NDE1: variants seen among roughly 807,000 people sequenced by gnomAD.
NDE1 encodes the protein nuclear distribution protein nudE homolog 1.
In NDE1, 28 loss-of-function variants were observed where a neutral mutation model predicts 43.4. The observed-to-expected ratio is 0.65, with a 90% CI of 0.48 to 0.89. The LOEUF is 0.89. Ranked by LOEUF, NDE1 falls within the 40% of genes least tolerant of loss-of-function variation. The pLI, the probability that NDE1 is intolerant of heterozygous loss-of-function variation, is 0.00. For missense variants in NDE1, 441 were observed against 434.1 expected (o/e 1.02, Z -0.14); for synonymous variants, 184 against 172.0 (o/e 1.07, Z -0.55).
chr16:15,708,041 C>CTTGAG (rs2039559577), intron 8 of NDE1, among the ~76,000 whole-genome samples: 1 of 151,590 alleles, frequency 6.6e-6, no homozygotes, highest in Admixed American at 6.6e-5. Context: ...TGTGTGCATC[C>CTTGAG]TTGAGTCTTG....
chr16:15,708,772 A>G, intron 8 of NDE1: 1 of 1,597,114 alleles, frequency 6.3e-7, no homozygotes, highest in Non-Finnish European at 8.5e-7. Context: ...TACTGAGACA[A>G]CACACAGCTG....
intron 4 of NDE1, among the ~76,000 whole-genome samples, chr16:15,685,623 TA>T (rs2038400218): frequency 6.6e-6 from 1 of 152,186 alleles, no homozygotes; most frequent in African/African-American, 2.4e-5. Context: ...TGAGGGTAGG[TA>T]CTTGTATGAC....
At chr16:15,662,281 T>A (rs1156613573) in intron 1 of NDE1, among the ~76,000 whole-genome samples, 1 of 132,788 alleles carries the variant, frequency 7.5e-6, no homozygotes, top group Non-Finnish European at 1.6e-5. Flanking sequence ...TTCTCTTTTC[T>A]TTTTTTTTTT....
intron 8 of NDE1, chr16:15,704,144 C>G (rs896977101): frequency 2.5e-6 from 4 of 1,613,386 alleles, no homozygotes; most frequent in Non-Finnish European, 3.4e-6. Context: ...TAAGAAAACA[C>G]ATTATTTAGC....
At chr16:15,666,737 C>G (rs2037327307) in intron 2 of NDE1, among the ~76,000 whole-genome samples, 1 of 152,180 alleles carries the variant, frequency 6.6e-6, no homozygotes, top group South Asian at 2.1e-4. Context: ...CCTTCTGCCT[C>G]AGCCTCCCAG....
At chr16:15,698,529 A>T (rs779391361) in intron 8 of NDE1, among the ~76,000 whole-genome samples, 1 of 152,100 alleles carries the variant, frequency 6.6e-6, no homozygotes, top group Non-Finnish European at 1.5e-5. Flanking sequence ...AATATTTTCC[A>T]TGGCATGCAC....
intron 8 of NDE1, among the ~76,000 whole-genome samples, chr16:15,705,426 G>T (rs527519429): frequency 1.3e-5 from 2 of 152,168 alleles, no homozygotes; most frequent in South Asian, 2.1e-4. Context: ...CTTTGGGTAG[G>T]AGGAAGAGAG....
At chr16:15,717,052 A>G in intron 8 of NDE1, 1 of 1,387,566 alleles carries the variant, frequency 7.2e-7, no homozygotes. Flanking sequence ...GCCAGAACTG[A>G]TGCTGGAAGA....
chr16:15,667,637 T>TG (rs890337129), intron 3 of NDE1, among the ~76,000 whole-genome samples, 198 bp downstream of exon 3: 16 of 147,012 alleles, frequency 1.1e-4, no homozygotes, highest in Non-Finnish European at 1.8e-4. Context: ...GTTTTGTTTT[T>TG]TTTTTTTTTT....
chr16:15,716,727 C>T (rs575957274), intron 8 of NDE1, among the ~76,000 whole-genome samples: 3 of 152,252 alleles, frequency 2.0e-5, no homozygotes, highest in East Asian at 3.9e-4. Flanking sequence ...TTGGCCAGGC[C>T]GGTCTCAAAC....
At position 15,724,333 on chromosome 16, in the gene NDE1, T is replaced by C. The variant is rs1303850533; in HGVS notation, c.*82T>C. On this transcript the variant is annotated 3_prime_UTR_variant, in exon 9 of 9. Coordinates refer to ENST00000396354, the MANE Select transcript of NDE1 (RefSeq NM_017668.3). ...CTGGGTGAGGTTCTCGATCTCCTTC[T>C]GGAACCTCTTCTTCCCCTCTTCCAG... 6.2e-7 allele frequency: 1 copy of C among 1,614,176 alleles called. No individual in the cohort carries two copies. Among genetic ancestry groups the C allele is most frequent in the Non-Finnish European group, 8.5e-7 (1 of 1,180,028 alleles).
At chr16:15,717,768 C>A in intron 8 of NDE1, 1 of 287,968 alleles carries the variant, frequency 3.5e-6, no homozygotes. Context: ...TGCACTCCAG[C>A]CTGGGCCACA....
At chr16:15,698,201 G>C (rs937993652) in intron 8 of NDE1, among the ~76,000 whole-genome samples, 5 of 152,144 alleles carry the variant, frequency 3.3e-5, no homozygotes, top group African/African-American at 1.2e-4. Flanking sequence ...GGACAGTGCA[G>C]ATCTGATCTC....
intron 8 of NDE1, among the ~76,000 whole-genome samples, chr16:15,723,660 A>G (rs757557829): frequency 4.6e-5 from 7 of 152,142 alleles, no homozygotes; most frequent in Non-Finnish European, 8.8e-5. Context: ...TAAGTATCTG[A>G]TAAAGTTCAT....
chr16:15,698,032 G>T (rs2039090062), intron 8 of NDE1, among the ~76,000 whole-genome samples: 1 of 152,014 alleles, frequency 6.6e-6, no homozygotes, highest in African/African-American at 2.4e-5. Context: ...TTGATCTCGT[G>T]ACATTGTGAT....
At chr16:15,650,987 G>T (rs1220859790) in intron 1 of NDE1, among the ~76,000 whole-genome samples, 1 of 152,142 alleles carries the variant, frequency 6.6e-6, no homozygotes, top group Non-Finnish European at 1.5e-5. Flanking sequence ...GGAGGGATTG[G>T]GTAAAGGACG....
chr16:15,687,151 A>C (rs2038477445), intron 4 of NDE1: 1 of 1,437,050 alleles, frequency 7.0e-7, no homozygotes, highest in Non-Finnish European at 9.2e-7. Flanking sequence ...TTTAATCCTC[A>C]TGACAGCCTC....
chr16:15,661,603 C>A (rs987996383), intron 1 of NDE1, among the ~76,000 whole-genome samples: 19 of 151,828 alleles, frequency 1.3e-4, no homozygotes, highest in African/African-American at 4.4e-4. Flanking sequence ...ACCACCATGA[C>A]CAGCTAGTTT....
chr16:15,687,246 G>C, intron 4 of NDE1, 129 bp from the exon 5 acceptor site: 1 of 1,578,010 alleles, frequency 6.3e-7, no homozygotes, highest in East Asian at 2.3e-5. Context: ...CCCACTCTGT[G>C]GCATCTAGGA....
Sources: allele counts gnomAD v4.1 joint callset (sites outside exome capture counted in the v4.1 genomes callset), GRCh38; gene constraint gnomAD v4.1.1; transcripts MANE v1.5; gene names NCBI Gene and HGNC (gene_info 2026-07-23, HGNC 2026-07-21).